NKAIN2: variants seen among roughly 807,000 people sequenced by gnomAD.
NKAIN2 encodes the protein sodium/potassium-transporting ATPase subunit beta-1-interacting protein 2.
NKAIN2 carries 14 observed loss-of-function variants against 32.6 expected under a neutral mutation model. The observed-to-expected ratio is 0.43, with a 90% CI of 0.28 to 0.67. NKAIN2 has a LOEUF of 0.67. NKAIN2 is among the 30% of genes least tolerant of loss of function. NKAIN2 has a pLI of 0.17. For synonymous variants in NKAIN2, 80 were observed against 87.2 expected (o/e 0.92, Z 0.46); for missense variants, 198 against 258.3 (o/e 0.77, Z 1.60).
At chr6:123,987,889 A>G (rs1779216526) in intron 1 of NKAIN2, among the ~76,000 whole-genome samples, 1 of 152,170 alleles carries the variant, frequency 6.6e-6, no homozygotes, top group South Asian at 2.1e-4. Context: ...GGCCCATCAT[A>G]TTCATAGGTG....
chr6:124,216,211 G>A (rs1025094268), intron 1 of NKAIN2, among the ~76,000 whole-genome samples: 2 of 151,856 alleles, frequency 1.3e-5, no homozygotes, highest in African/African-American at 2.4e-5. Flanking sequence ...AAATATGTGC[G>A]AGGATTTCAA....
chr6:124,623,887 C>T (rs1320479093), intron 3 of NKAIN2, among the ~76,000 whole-genome samples: 4 of 152,150 alleles, frequency 2.6e-5, no homozygotes, highest in Non-Finnish European at 5.9e-5. Context: ...AACACAGACA[C>T]TCTTTTCTGA....
At chr6:123,960,132 A>G (rs1777779027) in intron 1 of NKAIN2, among the ~76,000 whole-genome samples, 1 of 152,160 alleles carries the variant, frequency 6.6e-6, no homozygotes, top group Non-Finnish European at 1.5e-5. Context: ...TTATGTAAAA[A>G]TTCTATATTG....
intron 1 of NKAIN2, among the ~76,000 whole-genome samples, chr6:124,015,052 A>G (rs1049794674): frequency 3.9e-5 from 6 of 152,200 alleles, no homozygotes; most frequent in Admixed American, 2.6e-4. Flanking sequence ...TTTGAAGGAC[A>G]TATTACCAAA....
At chr6:124,534,092 A>C (rs1326575743) in intron 3 of NKAIN2, among the ~76,000 whole-genome samples, 2 of 152,036 alleles carry the variant, frequency 1.3e-5, no homozygotes, top group African/African-American at 4.8e-5. Context: ...TATAACTTAA[A>C]TGTATGACTG....
chr6:124,400,649 A>T (rs1054109384), intron 3 of NKAIN2, among the ~76,000 whole-genome samples: 1 of 152,170 alleles, frequency 6.6e-6, no homozygotes, highest in Non-Finnish European at 1.5e-5. Flanking sequence ...TTCTCTTCAA[A>T]AAAGAAGATT....
At chr6:124,085,815 G>A (rs540180889) in intron 1 of NKAIN2, among the ~76,000 whole-genome samples, 5 of 151,922 alleles carry the variant, frequency 3.3e-5, no homozygotes, top group South Asian at 2.1e-4. Context: ...GATTATGACG[G>A]CTTGGTAAAT....
At chr6:124,423,150 C>T (rs992450401) in intron 3 of NKAIN2, among the ~76,000 whole-genome samples, 1 of 152,104 alleles carries the variant, frequency 6.6e-6, no homozygotes, top group Admixed American at 6.5e-5. Context: ...AAGTGATGTA[C>T]CAGTGCTGGA....
intron 1 of NKAIN2, among the ~76,000 whole-genome samples, chr6:124,139,034 A>G (rs1382198673): frequency 6.7e-6 from 1 of 150,290 alleles, no homozygotes; most frequent in Non-Finnish European, 1.5e-5. Context: ...GAACTTATTC[A>G]TGTAGCCAAA....
chr6:123,900,848 T>A (rs1056189942), intron 1 of NKAIN2, among the ~76,000 whole-genome samples: 18 of 152,156 alleles, frequency 1.2e-4, no homozygotes, highest in Middle Eastern at 6.8e-3. Flanking sequence ...CTCAGACTTG[T>A]TAGGATCAGC....
At chr6:124,793,556 A>G (rs2759379) in intron 5 of NKAIN2, among the ~76,000 whole-genome samples, 137,483 of 151,978 alleles carry the variant, frequency 0.9, 62,881 homozygotes, top group East Asian at 1. Context: ...ATACCAGTGC[A>G]TTTTTATCTT....
chr6:124,594,213 A>G (rs1782005078), intron 3 of NKAIN2, among the ~76,000 whole-genome samples: 1 of 152,248 alleles, frequency 6.6e-6, no homozygotes, highest in African/African-American at 2.4e-5. Context: ...AGTACAGTGA[A>G]AGTCATGAAT....
chr6:123,935,089 T>C (rs1776436139), intron 1 of NKAIN2, among the ~76,000 whole-genome samples: 2 of 147,552 alleles, frequency 1.4e-5, no homozygotes, highest in Admixed American at 6.8e-5. Flanking sequence ...ATTTGGAATA[T>C]ATAGATATTT....
intron 2 of NKAIN2, among the ~76,000 whole-genome samples, chr6:124,349,975 G>T (rs1798636124): frequency 1.3e-5 from 2 of 152,084 alleles, no homozygotes; most frequent in Non-Finnish European, 2.9e-5. Context: ...TCATACAATA[G>T]AATTTTTCTC....
chr6:124,271,643 G>A (rs1794796191), intron 1 of NKAIN2, among the ~76,000 whole-genome samples: 1 of 152,228 alleles, frequency 6.6e-6, no homozygotes, highest in Non-Finnish European at 1.5e-5. Context: ...TGAAAATGTG[G>A]AATTGGGTAA....
chr6:123,969,135 A>G (rs926992308), intron 1 of NKAIN2, among the ~76,000 whole-genome samples: 4 of 152,188 alleles, frequency 2.6e-5, no homozygotes, highest in Non-Finnish European at 5.9e-5. Flanking sequence ...AAAAAATAAG[A>G]TGCGGCTTTC....
intron 1 of NKAIN2, among the ~76,000 whole-genome samples, chr6:124,012,280 T>A (rs2114737999): frequency 6.6e-6 from 1 of 152,100 alleles, no homozygotes; most frequent in African/African-American, 2.4e-5. Context: ...CATTCTAGGA[T>A]TTTATATAAA....
intron 1 of NKAIN2, among the ~76,000 whole-genome samples, chr6:124,235,662 G>A (rs925760699): frequency 1.1e-4 from 16 of 151,122 alleles, no homozygotes; most frequent in African/African-American, 2.4e-4. Flanking sequence ...GCAATGGTGC[G>A]GTCTTAGCTC....
chr6:124,639,484 A>C (rs1783905373), intron 3 of NKAIN2, among the ~76,000 whole-genome samples: 1 of 152,184 alleles, frequency 6.6e-6, no homozygotes, highest in Non-Finnish European at 1.5e-5. Flanking sequence ...ACATACAAAA[A>C]TTAGCCAGGC....
Sources: allele counts gnomAD v4.1 joint callset (sites outside exome capture counted in the v4.1 genomes callset), GRCh38; gene constraint gnomAD v4.1.1; transcripts MANE v1.5; gene names NCBI Gene and HGNC (gene_info 2026-07-23, HGNC 2026-07-21).